IFRD2: variants seen among roughly 807,000 people sequenced by gnomAD.
The protein encoded by IFRD2 is interferon-related developmental regulator 2.
IFRD2 carries 35 observed loss-of-function variants against 49.2 expected under a neutral mutation model. The observed-to-expected ratio is 0.71, with a 90% CI of 0.54 to 0.94. IFRD2 has a LOEUF of 0.94. IFRD2 is among the 40% of genes least tolerant of loss of function. The probability of loss-of-function intolerance (pLI) is 0.00; values close to 1 mark genes in which losing one functional copy is unlikely to be tolerated. For missense variants in IFRD2, 561 were observed against 591.6 expected (o/e 0.95, Z 0.54); for synonymous variants, 275 against 239.7 (o/e 1.15, Z -1.36).
At position 50,292,249 on chromosome 3, in the gene IFRD2, G is replaced by A. The variant is rs113502427; in HGVS notation, c.26C>T (p.Thr9Met). The change falls in exon 1 of 12, where the codon ACG becomes ATG. Residue 9 changes from threonine (T) to methionine (M), a missense_variant. By Grantham distance (81) the Thr-to-Met change is moderately conservative. Coordinates refer to ENST00000417626, the MANE Select transcript of IFRD2 (RefSeq NM_006764.5). MPRARKGN[T>M]LRKGGQRRGG... is the part of the protein sequence containing the mutation. ...ACGGCGCTGACCACCCTTCCGGAGC[G>A]TGTTGCCCTTACGGGCGCGAGGCAT... The A allele has an allele frequency of 1.2e-5, 18 of 1,525,924 alleles. No individual in the cohort carries two copies. The highest frequency in any genetic ancestry group is 1.4e-5 in the Non-Finnish European group (16 of 1,140,500). 94.5% of individuals were successfully genotyped at this position (1,525,924 alleles called of 1,614,324 possible).
intron 11 of IFRD2, 31 bp downstream of exon 11, chr3:50,288,378 G>A: frequency 6.2e-7 from 1 of 1,606,994 alleles, no homozygotes; most frequent in Admixed American, 1.7e-5. Context: ...ATGGGAATAG[G>A]GGGAAGAGAA....
In IFRD2 at chr3:50,288,923, G is replaced by A. The variant is rs1701615288; in HGVS notation, c.900C>T (p.Tyr300=). ...LARDLEEEFV[Y]EDMEALCSVL... is the part of the protein sequence containing the mutation. Reference sequence around the variant, plus strand: ...CACTGCAGAGGGCCTCCATGTCCTCGTAAACAAACTCCTCCTGCAATGGGA... The same window carrying A: ...CACTGCAGAGGGCCTCCATGTCCTCATAAACAAACTCCTCCTGCAATGGGA... The change falls in exon 9 of 12, where the codon TAC becomes TAT. Residue 300 remains tyrosine, a synonymous_variant. Transcript: ENST00000417626. The A allele has an allele frequency of 3.1e-6, 5 of 1,612,308 alleles. No individual in the cohort carries two copies. The highest frequency in any genetic ancestry group is 1.7e-5 in the Admixed American group (1 of 59,790).
At chr3:50,289,868 C>A in intron 5 of IFRD2, 61 bp downstream of exon 5, 1 of 1,602,976 alleles carries the variant, frequency 6.2e-7, no homozygotes, top group Non-Finnish European at 8.5e-7. Flanking sequence ...ATAGGGGGAA[C>A]CCACCACTCT....
At position 50,290,200 on chromosome 3, in the gene IFRD2, CTAGCGTGA is replaced by C. The variant is rs782179306; in HGVS notation, c.350_357del (p.Leu117ArgfsTer35). 1 of 1,613,890 alleles carries C rather than the reference CTAGCGTGA, an allele frequency of 6.2e-7. No individual in the cohort carries two copies. The highest frequency in any genetic ancestry group is 8.5e-7 in the Non-Finnish European group (1 of 1,179,832). On this transcript the variant is annotated frameshift_variant, in exon 4 of 12. Transcript: ENST00000417626. LOFTEE classifies it high-confidence loss of function. ...TTGAGGCACTTTTCCAGGGCATCGG[CTAGCGTGA>C]GGCGGCGCTCCAGCAAGAAGTCGGG... is the stretch of plus-strand genomic sequence containing the variant.
At chr3:50,290,785 CAG>C in intron 1 of IFRD2, 106 bp from the exon 2 acceptor site, 1 of 1,459,510 alleles carries the variant, frequency 6.9e-7, no homozygotes, top group East Asian at 2.5e-5. Flanking sequence ...GTGTCCCTCT[CAG>C]AGATGAAAAA....
rs1390518843 is a variant in IFRD2, at chr3:50,287,863, CCCT to C, written c.*325_*327del. On this transcript the variant is annotated 3_prime_UTR_variant, in exon 12 of 12. Coordinates refer to ENST00000417626, the MANE Select transcript of IFRD2 (RefSeq NM_006764.5). ...GGCATTTGTCCAGATGCCACCACCC[CCCT>C]AAGAGTGGGTCATCCTGGGGGAGCA... is the stretch of plus-strand genomic sequence containing the variant. 2.9e-6 allele frequency: 1 copy of C among 346,584 alleles called. No homozygotes were observed. Among genetic ancestry groups the C allele is most frequent in the African/African-American group, 2.1e-5 (1 of 48,172 alleles). The allele number at this position is 346,584 out of a possible 1,614,324, so 21.5% of individuals were successfully genotyped here.
chr3:50,290,237 T>C lies in IFRD2; in HGVS notation c.321A>G (p.Leu107=), dbSNP rs782673597. ...GGCGCTCCAGCAAGAAGTCGGGGAGTAGGCGGGACGCTAGGGCCAGGCGCA... is the reference window on the plus strand; with the variant it reads ...GGCGCTCCAGCAAGAAGTCGGGGAGCAGGCGGGACGCTAGGGCCAGGCGCA... The part of the protein sequence containing the change: ...ESLRLALASR[L]LPDFLLERRL... The change falls in exon 4 of 12, where the codon CTA becomes CTG. Residue 107 remains leucine, a synonymous_variant. Coordinates refer to ENST00000417626, the MANE Select transcript of IFRD2 (RefSeq NM_006764.5). The C allele has an allele frequency of 2.5e-6, 4 of 1,613,026 alleles. No individual in the cohort carries two copies. The highest frequency in any genetic ancestry group is 3.4e-6 in the Non-Finnish European group (4 of 1,179,620).
intron 5 of IFRD2, 44 bp from the exon 6 acceptor site, chr3:50,289,806 C>G (rs1701636945): frequency 1.3e-6 from 2 of 1,587,776 alleles, no homozygotes; most frequent in African/African-American, 2.7e-5. Context: ...AGCGGGTGAA[C>G]CTGGGTTCCC....
In IFRD2 at chr3:50,288,631, G is replaced by A. The variant is rs369627326; in HGVS notation, c.1104C>T (p.Tyr368=). 140 of 1,613,774 alleles carry A rather than the reference G, an allele frequency of 8.7e-5. No homozygotes were observed. Among genetic ancestry groups the A allele is most frequent in the South Asian group, 1.1e-4 (10 of 91,094 alleles). The change falls in exon 10 of 12, where the codon TAC becomes TAT. Residue 368 remains tyrosine, a synonymous_variant. Transcript: ENST00000417626. ...YMDSWARHRI[Y]AAFKEVLGSG... The stretch of plus-strand genomic sequence containing the variant: ...AACCCAGCACTTCCTTGAAGGCAGC[G>A]TAGATCCGGTGCCGAGCCCAGCTGT...
At position 50,288,507 on chromosome 3, in the gene IFRD2, G is replaced by A. The variant is rs782456838; in HGVS notation, c.1153-3C>T. 2 of 1,613,850 alleles carry A rather than the reference G, an allele frequency of 1.2e-6. No homozygotes were observed. Among genetic ancestry groups the A allele is most frequent in the African/African-American group, 1.3e-5 (1 of 74,916 alleles). Reference sequence around the variant, plus strand: ...ATGTCACGGAGTAGCTCATTGTTCTGGGGGGCAGAGGGCAGTGAGCTCAGG... The same window carrying A: ...ATGTCACGGAGTAGCTCATTGTTCTAGGGGGCAGAGGGCAGTGAGCTCAGG... On this transcript the variant is annotated splice_polypyrimidine_tract_variant and splice_region_variant and intron_variant, in intron 10 of 11. Transcript: ENST00000417626.
At position 50,289,913 on chromosome 3, in the gene IFRD2, G is replaced by T; in HGVS notation, c.546+16C>A. 6.2e-7 allele frequency: 1 copy of T among 1,612,472 alleles called. No individual in the cohort carries two copies. The highest frequency in any genetic ancestry group is 8.5e-7 in the Non-Finnish European group (1 of 1,179,206). ...TAAGGTGCAGGAAGGGTTTCATGGG[G>T]CACAGGCACACTCACGTGGAGCCGG... is the stretch of plus-strand genomic sequence containing the variant. On this transcript the variant is annotated intron_variant, in intron 5 of 11. Transcript: ENST00000417626.
Position 50,292,285 on chromosome 3 carries a change from G to C in IFRD2, c.-11C>G, listed in dbSNP as rs1211418381. 6.5e-7 allele frequency: 1 copy of C among 1,545,196 alleles called. No homozygotes were observed. Among genetic ancestry groups the C allele is most frequent in the Non-Finnish European group, 8.7e-7 (1 of 1,150,008 alleles). On this transcript the variant is annotated 5_prime_UTR_variant, in exon 1 of 12. Transcript: ENST00000417626. ...ACGGGCGCGAGGCATGCCGGGAACC[G>C]GGCGCGGGGGGCGCGGGGTCAGGGA...
In IFRD2 at chr3:50,288,702, A is replaced by G. The variant is rs185492196; in HGVS notation, c.1033T>C (p.Cys345Arg). The part of the protein sequence containing the change: ...AVLHSVEGGE[C>R]EEEIVRFGFE... Reference sequence around the variant, plus strand: ...CCGAAGCGCACTATCTCTTCTTCGCATTCACCGCCCTGCAGGGTAGAGGTG... The same window carrying G: ...CCGAAGCGCACTATCTCTTCTTCGCGTTCACCGCCCTGCAGGGTAGAGGTG... The change falls in exon 10 of 12, where the codon TGC (cysteine) becomes CGC (arginine). Residue 345 changes from cysteine to arginine, a missense_variant. Cys to Arg is a radical substitution (Grantham distance 180). Transcript: ENST00000417626. The G allele has an allele frequency of 1.5e-4, 245 of 1,613,472 alleles. No homozygotes were observed. The highest frequency in any genetic ancestry group is 7.2e-4 in the Admixed American group (43 of 59,948).
Position 50,290,687 on chromosome 3 carries a change from A to G in IFRD2, c.59-8T>C. The G allele has an allele frequency of 6.2e-7, 1 of 1,612,792 alleles. No individual in the cohort carries two copies. The highest frequency in any genetic ancestry group is 8.5e-7 in the Non-Finnish European group (1 of 1,179,378). On this transcript the variant is annotated splice_region_variant and splice_polypyrimidine_tract_variant and intron_variant, in intron 1 of 11. Transcript: ENST00000417626. Reference sequence around the variant, plus strand: ...GGGCACTGCTCCGGGCACCTGGAGAAGGTGGAATAGGACACTCAACTTGCC... The same window carrying G: ...GGGCACTGCTCCGGGCACCTGGAGAGGGTGGAATAGGACACTCAACTTGCC...
intron 9 of IFRD2, 21 bp from the exon 10 acceptor site, chr3:50,288,732 C>T (rs782118970): frequency 6.2e-7 from 1 of 1,612,584 alleles, no homozygotes; most frequent in South Asian, 1.1e-5. Context: ...GAGGTGCCAA[C>T]ACAACTGGGC....
chr3:50,290,534 CCT>C (rs1701654733), intron 2 of IFRD2, 24 bp downstream of exon 2: 1 of 1,611,642 alleles, frequency 6.2e-7, no homozygotes. Flanking sequence ...TCACCAAGCC[CCT>C]GTCAAACTTC....
At position 50,292,210 on chromosome 3, in the gene IFRD2, C is replaced by A; in HGVS notation, c.58+7G>T. On this transcript the variant is annotated splice_region_variant and intron_variant, in intron 1 of 11. Coordinates refer to ENST00000417626, the MANE Select transcript of IFRD2 (RefSeq NM_006764.5). The stretch of plus-strand genomic sequence containing the variant: ...TACAGCTGTCCCGCGCCCCCCACCC[C>A]ACTCACCTCCTCCACGGCGCTGACC... The A allele has an allele frequency of 6.8e-7, 1 of 1,462,492 alleles. No individual in the cohort carries two copies. The allele number at this position is 1,462,492 out of a possible 1,614,324, so 90.6% of individuals were successfully genotyped here. A position where few individuals can be genotyped will look rare whatever the true frequency, so the allele number is the denominator to read the frequency against.
In IFRD2 at chr3:50,289,625, G is replaced by C; in HGVS notation, c.601C>G (p.Leu201Val). The change falls in exon 7 of 12, where the codon CTG (leucine) becomes GTG (valine). Residue 201 changes from leucine (L) to valine (V), a missense_variant. Physicochemically the swap from Leu to Val is conservative, Grantham distance 32. Transcript: ENST00000417626. ...TCTAAGCAGGCAAGGCAAGAGACCA[G>C]GTCCTAGGAGCACAGAGAGGCAGGG... Reference protein sequence around the residue: ...CYVAAADIQDLVSCLACLESV... With the variant: ...CYVAAADIQDVVSCLACLESV... 1.9e-6 allele frequency: 3 copies of C among 1,598,614 alleles called. No individual in the cohort carries two copies. The highest frequency in any genetic ancestry group is 2.6e-6 in the Non-Finnish European group (3 of 1,172,762).
Position 50,292,257 on chromosome 3 carries a change from C to A in IFRD2, c.18G>T (p.Lys6Asn). ...GACCACCCTTCCGGAGCGTGTTGCC[C>A]TTACGGGCGCGAGGCATGCCGGGAA... MPRAR[K>N]GNTLRKGGQR... The change falls in exon 1 of 12, where the codon AAG becomes AAT. Residue 6 changes from lysine (K) to asparagine (N), a missense_variant. By Grantham distance (94) the Lys-to-Asn change is moderately conservative. Coordinates refer to ENST00000417626, the MANE Select transcript of IFRD2 (RefSeq NM_006764.5). 1 of 1,534,212 alleles carries A rather than the reference C, an allele frequency of 6.5e-7. No individual in the cohort carries two copies. The highest frequency in any genetic ancestry group is 1.4e-5 in the African/African-American group (1 of 72,662).
Sources: gnomAD v4.1 joint callset for allele counts on GRCh38, gnomAD v4.1.1 for gene constraint, MANE v1.5 for transcripts, NCBI Gene and HGNC (gene_info 2026-07-23, HGNC 2026-07-21) for gene names.